Variants in RNF111 observed in about 807,000 individuals in gnomAD.
RNF111 encodes ring finger protein 111, also known as E3 ubiquitin-protein ligase Arkadia.
In RNF111, 17 loss-of-function variants were observed where a neutral mutation model predicts 95.1. The observed-to-expected ratio is 0.18, with a 90% confidence interval of 0.12 to 0.27. The LOEUF (loss-of-function observed/expected upper bound fraction) is 0.27, where lower values mean the gene tolerates loss of function less well. Among genes scored for constraint, RNF111 ranks in the 10% least tolerant of loss-of-function variants. RNF111 has a pLI of 1.00. For missense variants in RNF111, 1,189 were observed against 1,210.4 expected (o/e 0.98, Z 0.26); for synonymous variants, 440 against 414.8 (o/e 1.06, Z -0.74).
Position 59,030,900 on chromosome 15 carries a change from A to G in RNF111, c.78A>G (p.Ala26=). 6.2e-7 allele frequency: 1 copy of G among 1,614,210 alleles called. No individual in the cohort carries two copies. Among genetic ancestry groups the G allele is most frequent in the South Asian group, 1.1e-5 (1 of 91,080 alleles). ...TGAAGAGTGAGATTCCTTCTGATGC[A>G]CCAAAGACACAGGAGAGTCTGAAAG... ...VDMKSEIPSD[A]PKTQESLKGI... is the part of the protein sequence containing the mutation. The change falls in exon 2 of 14, where the codon GCA becomes GCG. Residue 26 remains alanine (A), a synonymous_variant. Transcript: ENST00000348370.
intron 1 of RNF111, among the ~76,000 whole-genome samples, chr15:59,022,066 G>T (rs1226343517): frequency 1.3e-5 from 2 of 151,936 alleles, no homozygotes; most frequent in East Asian, 3.9e-4. Flanking sequence ...CACCATGTTG[G>T]CCAGGCTGGA....
At chr15:59,092,736 GT>G in intron 13 of RNF111, 96 bp downstream of exon 13, 4 of 1,245,990 alleles carry the variant, frequency 3.2e-6, no homozygotes, top group Non-Finnish European at 4.3e-6. Flanking sequence ...GCTCACACGT[GT>G]AATTCCAGCA....
chr15:59,063,874 A>G (rs1312502020), intron 5 of RNF111, among the ~76,000 whole-genome samples: 1 of 152,220 alleles, frequency 6.6e-6, no homozygotes, highest in Non-Finnish European at 1.5e-5. Context: ...CATGAAGGTA[A>G]TTTAGCGTAT....
intron 1 of RNF111, among the ~76,000 whole-genome samples, chr15:59,028,587 C>G (rs1274423758): frequency 6.6e-6 from 1 of 152,096 alleles, no homozygotes; most frequent in Non-Finnish European, 1.5e-5. Flanking sequence ...TACTTCATTT[C>G]TTTCTATTGC....
At chr15:59,013,560 C>G (rs1324162270) in intron 1 of RNF111, among the ~76,000 whole-genome samples, 2 of 152,182 alleles carry the variant, frequency 1.3e-5, no homozygotes, top group Admixed American at 1.3e-4. Flanking sequence ...ATCAGGAGTA[C>G]ATGGTGTCAA....
intron 8 of RNF111, among the ~76,000 whole-genome samples, chr15:59,082,777 C>T (rs746152005): frequency 1.3e-5 from 2 of 152,128 alleles, no homozygotes; most frequent in Non-Finnish European, 2.9e-5. Flanking sequence ...ATTAATGATC[C>T]AGCTCTCTTG....
intron 2 of RNF111, among the ~76,000 whole-genome samples, chr15:59,042,651 A>G (rs558092526): frequency 8.0e-4 from 122 of 152,206 alleles, no homozygotes; most frequent in African/African-American, 2.6e-3. Flanking sequence ...TCATGTGACT[A>G]TACAGTTGTC....
intron 7 of RNF111, among the ~76,000 whole-genome samples, chr15:59,080,309 C>G (rs185763750): frequency 6.6e-6 from 1 of 151,758 alleles, no homozygotes; most frequent in African/African-American, 2.4e-5. Context: ...TTAGTGGAGA[C>G]GGGGCTTCGC....
At chr15:58,995,753 C>T (rs981638695) in intron 1 of RNF111, among the ~76,000 whole-genome samples, 2 of 148,404 alleles carry the variant, frequency 1.3e-5, no homozygotes, top group Admixed American at 1.4e-4. Context: ...CATGAGATGC[C>T]GTGCCCCGGC....
Position 59,052,405 on chromosome 15 carries a change from G to A in RNF111, c.981G>A (p.Glu327=), listed in dbSNP as rs137923008. ...INVTSTDSEV[E]IVTVGESYRS... is the part of the protein sequence containing the mutation. ...TTACCTCAACTGACAGTGAAGTGGA[G>A]ATTGTAACAGTTGGAGAAAGCTATC... is the stretch of plus-strand genomic sequence containing the variant. The change falls in exon 3 of 14, where the codon GAG becomes GAA. Residue 327 remains glutamate (E), a synonymous_variant. Transcript: ENST00000348370. 1.7e-4 allele frequency: 277 copies of A among 1,589,202 alleles called. No individual in the cohort carries two copies. In the African/African-American group the frequency reaches 2.8e-3, roughly 16 times the overall value.
At chr15:59,051,207 A>C (rs1326930687) in intron 2 of RNF111, among the ~76,000 whole-genome samples, 1 of 152,116 alleles carries the variant, frequency 6.6e-6, no homozygotes, top group African/African-American at 2.4e-5. Context: ...TAATCCCAGC[A>C]CTTTGGGAGG....
At chr15:59,002,824 C>T (rs1379565166) in intron 1 of RNF111, among the ~76,000 whole-genome samples, 10 of 152,178 alleles carry the variant, frequency 6.6e-5, no homozygotes, top group Admixed American at 5.9e-4. Flanking sequence ...TAGGCATATT[C>T]CTGTCACATA....
intron 2 of RNF111, among the ~76,000 whole-genome samples, chr15:59,034,299 A>C (rs748061003): frequency 3.4e-4 from 52 of 152,122 alleles, no homozygotes; most frequent in Non-Finnish European, 6.8e-4. Flanking sequence ...AGTGTATCTT[A>C]AGGAATAATT....
At chr15:59,018,356 G>T (rs1210147950) in intron 1 of RNF111, among the ~76,000 whole-genome samples, 1 of 152,012 alleles carries the variant, frequency 6.6e-6, no homozygotes, top group Admixed American at 6.6e-5. Context: ...GTCATTTCTG[G>T]TCACTTAAGA....
At chr15:59,064,024 A>G (rs568776158) in intron 5 of RNF111, among the ~76,000 whole-genome samples, 30 of 152,334 alleles carry the variant, frequency 2.0e-4, no homozygotes, top group African/African-American at 6.5e-4. Flanking sequence ...AAGTAAAGCT[A>G]CTGTAATAAT....
At chr15:58,994,627 G>A (rs568107225) in intron 1 of RNF111, among the ~76,000 whole-genome samples, 4 of 151,140 alleles carry the variant, frequency 2.6e-5, no homozygotes, top group African/African-American at 9.7e-5. Flanking sequence ...ATAGGTGCCC[G>A]CCACCACGTC....
At chr15:59,091,798 G>C (rs1411709381) in intron 12 of RNF111, among the ~76,000 whole-genome samples, 1 of 152,152 alleles carries the variant, frequency 6.6e-6, no homozygotes, top group Non-Finnish European at 1.5e-5. Flanking sequence ...GATAGTTTCA[G>C]AATGAAACTA....
chr15:59,006,751 C>T (rs1439049276), intron 1 of RNF111, among the ~76,000 whole-genome samples: 1 of 152,168 alleles, frequency 6.6e-6, no homozygotes, highest in Non-Finnish European at 1.5e-5. Flanking sequence ...ACTACAGTTT[C>T]ATGTCACTAA....
chr15:59,084,342 G>A, intron 9 of RNF111, 88 bp downstream of exon 9: 2 of 1,284,650 alleles, frequency 1.6e-6, no homozygotes. Context: ...TTGCTTTGCA[G>A]AAGGATGATG....
Sources: gnomAD v4.1 joint callset for allele counts (sites outside exome capture counted in the v4.1 genomes callset) on GRCh38, gnomAD v4.1.1 for gene constraint, MANE v1.5 for transcripts, NCBI Gene and HGNC (gene_info 2026-07-23, HGNC 2026-07-21) for gene names.